The following ADAMTSL1 variants were observed in gnomAD, a reference collection of about 807,000 sequenced individuals.
ADAMTSL1 encodes the protein ADAMTS like 1, also known as ADAMTS-like protein 1.
ADAMTSL1 carries 126 observed loss-of-function variants against 201.8 expected under a neutral mutation model. The ratio of observed to expected loss-of-function variants is 0.62; its 90% CI spans 0.54 to 0.72. The LOEUF (loss-of-function observed/expected upper bound fraction) is 0.72, where lower values mean the gene tolerates loss of function less well. Ranked by LOEUF, ADAMTSL1 falls within the 30% of genes least tolerant of loss-of-function variation. ADAMTSL1 has a pLI of 0.00. For synonymous variants in ADAMTSL1, 1,121 were observed against 903.4 expected, an observed-to-expected ratio of 1.24 and a Z score of -4.32; for missense variants, 2,679 against 2,277.8, an observed-to-expected ratio of 1.18 and a Z score of -3.59.
chr9:18,370,426 A>C (rs1421129647), intron 2 of ADAMTSL1, among the ~76,000 whole-genome samples: 2 of 152,170 alleles, frequency 1.3e-5, no homozygotes, highest in African/African-American at 4.8e-5. Flanking sequence ...TATCCGTATG[A>C]AAACCTGCAT....
intron 1 of ADAMTSL1, among the ~76,000 whole-genome samples, chr9:18,029,624 G>C (rs1207661728): frequency 6.6e-6 from 1 of 151,634 alleles, no homozygotes; most frequent in African/African-American, 2.4e-5. Flanking sequence ...TACAGAATGG[G>C]AGAAAATTTT....
chr9:18,332,555 A>G (rs755237833), intron 2 of ADAMTSL1, among the ~76,000 whole-genome samples: 2 of 152,144 alleles, frequency 1.3e-5, no homozygotes, highest in African/African-American at 2.4e-5. Context: ...GGCTCCAGCA[A>G]TCCTCCTGCC....
At chr9:18,014,881 G>A (rs917208211) in intron 1 of ADAMTSL1, among the ~76,000 whole-genome samples, 1 of 151,922 alleles carries the variant, frequency 6.6e-6, no homozygotes, top group Non-Finnish European at 1.5e-5. Flanking sequence ...TACTCTGTGG[G>A]GGCTCCCCTT....
intron 14 of ADAMTSL1, among the ~76,000 whole-genome samples, chr9:18,717,721 A>C (rs1833040271): frequency 6.6e-6 from 1 of 152,228 alleles, no homozygotes; most frequent in African/African-American, 2.4e-5. Context: ...TAGCAGTAAT[A>C]CTGGATGTAG....
chr9:18,605,421 A>G (rs530814856), intron 4 of ADAMTSL1, among the ~76,000 whole-genome samples: 4 of 152,346 alleles, frequency 2.6e-5, no homozygotes, highest in East Asian at 3.9e-4. Flanking sequence ...TCTAATCCCA[A>G]TTGCAAAAGA....
At chr9:18,825,217 C>G (rs1375000415) in intron 21 of ADAMTSL1, among the ~76,000 whole-genome samples, 1 of 152,140 alleles carries the variant, frequency 6.6e-6, no homozygotes, top group Non-Finnish European at 1.5e-5. Context: ...ATCCTAAACT[C>G]TCAGGGCCTG....
intron 4 of ADAMTSL1, among the ~76,000 whole-genome samples, chr9:18,605,886 C>G (rs1466890170): frequency 6.6e-6 from 1 of 152,150 alleles, no homozygotes; most frequent in Non-Finnish European, 1.5e-5. Flanking sequence ...TTGACCCAGG[C>G]TGGGTGGTGG....
At position 18,589,034 on chromosome 9, in the gene ADAMTSL1, G is replaced by C. The variant is rs193023570; in HGVS notation, c.474+14768G>C. Among the ~76,000 whole-genome samples, 561 of 151,412 alleles carry C rather than the reference G, an allele frequency of 3.7e-3. 8 individuals carry two copies. Among genetic ancestry groups the C allele is most frequent in the African/African-American group, 0.013 (530 of 41,322 alleles). On this transcript the variant is annotated intron_variant, in intron 4 of 28. Coordinates refer to ENST00000380548, the MANE Select transcript of ADAMTSL1 (RefSeq NM_001040272.6). ...TGGGATTACAGGTGTCCACTACCAT[G>C]ACTGGCTAATTTTTGTATTTTTAGT...
At chr9:18,582,890 A>AATAAG (rs1823204307) in intron 4 of ADAMTSL1, among the ~76,000 whole-genome samples, 2 of 151,220 alleles carry the variant, frequency 1.3e-5, no homozygotes, top group African/African-American at 4.8e-5. Context: ...AATAAAATAA[A>AATAAG]AATAAAATAA....
intron 1 of ADAMTSL1, among the ~76,000 whole-genome samples, chr9:18,504,397 A>G (rs543113653): frequency 4.1e-4 from 62 of 152,328 alleles, no homozygotes; most frequent in Middle Eastern, 6.8e-3. Flanking sequence ...GGTATAAAAT[A>G]TTGTTAGATT....
chr9:18,271,214 G>T (rs1369141623), intron 2 of ADAMTSL1, among the ~76,000 whole-genome samples: 1 of 152,076 alleles, frequency 6.6e-6, no homozygotes, highest in East Asian at 1.9e-4. Context: ...TAAGTTCTAG[G>T]GTACATGTGC....
intron 23 of ADAMTSL1, among the ~76,000 whole-genome samples, chr9:18,849,032 A>T (rs138797889): frequency 6.6e-6 from 1 of 152,366 alleles, no homozygotes; most frequent in Admixed American, 6.5e-5. Flanking sequence ...CATAACCTCA[A>T]TGAGTCTGCC....
chr9:18,046,652 AT>A lies in ADAMTSL1; in HGVS notation c.88-117207del, dbSNP rs371172074. Among the ~76,000 whole-genome samples the A allele has an allele frequency of 9.1e-4, 138 of 152,278 alleles. 5 individuals carry two copies. The East Asian group carries it at 0.025, about 28-fold the overall frequency. On this transcript the variant is annotated intron_variant, in intron 1 of 29. Coordinates refer to the ADAMTSL1 transcript ENST00000680146. ...TTTTTGAATCCCTGTACTCTTAACT[AT>A]TTATATTAATAATGATGGAAACTAT...
At position 18,721,645 on chromosome 9, in the gene ADAMTSL1, T is replaced by A. The variant is rs1376250541; in HGVS notation, c.1986T>A (p.Asn662Lys). 9 of 1,613,764 alleles carry A rather than the reference T, an allele frequency of 5.6e-6. No homozygotes were observed. In the Admixed American group the frequency reaches 1.2e-4, roughly 21 times the overall value. Residue 662 changes from asparagine (N) to lysine (K), a missense_variant, in exon 15 of 29, where the codon AAT (asparagine) becomes AAA (lysine). Coordinates refer to ENST00000380548, the MANE Select transcript of ADAMTSL1 (RefSeq NM_001040272.6). ...RRPPQLLKSC[N>K]LDPCPARWEI... The stretch of plus-strand genomic sequence containing the variant: ...CCCCACAGCTCCTGAAGTCCTGCAA[T>A]TTGGATCCCTGCCCAGCAAGGTAAG...
chr9:18,777,957 T>A (rs1821162381), intron 19 of ADAMTSL1, 51 bp downstream of exon 19: 1 of 1,512,816 alleles, frequency 6.6e-7, no homozygotes. Context: ...GGGCCACATC[T>A]GGCCCAAGTC....
chr9:18,790,980 A>G (rs1052771099), intron 19 of ADAMTSL1, among the ~76,000 whole-genome samples: 1 of 152,152 alleles, frequency 6.6e-6, no homozygotes, highest in African/African-American at 2.4e-5. Context: ...AAGGAATCCT[A>G]TAGGTTTTGT....
At chr9:17,908,891 G>A (rs1421364436) in intron 1 of ADAMTSL1, among the ~76,000 whole-genome samples, 4 of 152,080 alleles carry the variant, frequency 2.6e-5, no homozygotes, top group East Asian at 1.9e-4. Flanking sequence ...CTGAGGACTC[G>A]CCACACTGAC....
intron 2 of ADAMTSL1, among the ~76,000 whole-genome samples, chr9:18,287,419 A>C (rs928608455): frequency 2.1e-4 from 32 of 151,944 alleles, no homozygotes; most frequent in Non-Finnish European, 3.5e-4. Context: ...ATATTTATAT[A>C]TCTGTAATAT....
intron 2 of ADAMTSL1, among the ~76,000 whole-genome samples, chr9:18,430,896 G>A (rs1450221966): frequency 6.6e-6 from 1 of 152,196 alleles, no homozygotes; most frequent in Admixed American, 6.5e-5. Context: ...TAGCCCCATA[G>A]TGATTTAGCC....
Sources: allele counts gnomAD v4.1 joint callset (sites outside exome capture counted in the v4.1 genomes callset), GRCh38; gene constraint gnomAD v4.1.1; transcripts MANE v1.5; gene names NCBI Gene and HGNC (gene_info 2026-07-23, HGNC 2026-07-21).